The following TAFA2 variants were observed in gnomAD, a reference collection of about 807,000 sequenced individuals.
TAFA2 encodes chemokine-like protein TAFA-2.
Under a neutral mutation model 18.8 loss-of-function variants are expected in TAFA2, and 7 were observed. That is an observed-to-expected ratio of 0.37 (90% CI 0.21 to 0.70). The LOEUF (loss-of-function observed/expected upper bound fraction) is 0.70. TAFA2 is among the 30% of genes least tolerant of loss of function. The pLI is 0.53. For missense variants in TAFA2, 122 were observed against 158.1 expected (o/e 0.77, Z 1.23); for synonymous variants, 60 against 54.2 (o/e 1.11, Z -0.47).
At chr12:61,903,181 C>T (rs973544806) in intron 1 of TAFA2, among the ~76,000 whole-genome samples, 4 of 152,144 alleles carry the variant, frequency 2.6e-5, no homozygotes, top group Non-Finnish European at 5.9e-5. Context: ...TACCAATGTA[C>T]TATGACTTAC....
intron 1 of TAFA2, among the ~76,000 whole-genome samples, chr12:62,072,472 AAAT>A (rs1170751047): frequency 1.4e-5 from 2 of 148,024 alleles, no homozygotes; most frequent in South Asian, 2.2e-4. Flanking sequence ...CCATCTCAAA[AAAT>A]AATAATAATA....
chr12:62,122,634 T>C (rs1565751866), intron 1 of TAFA2, among the ~76,000 whole-genome samples: 1 of 152,222 alleles, frequency 6.6e-6, no homozygotes, highest in Non-Finnish European at 1.5e-5. Flanking sequence ...ATGTATTACA[T>C]AGTCCATATA....
At chr12:61,853,152 A>G (rs1465682516) in intron 2 of TAFA2, among the ~76,000 whole-genome samples, 3 of 152,324 alleles carry the variant, frequency 2.0e-5, no homozygotes, top group African/African-American at 7.2e-5. Context: ...ATTACATTGT[A>G]TACCCTAAAT....
At chr12:61,774,892 A>G (rs1281522198) in intron 2 of TAFA2, among the ~76,000 whole-genome samples, 1 of 151,884 alleles carries the variant, frequency 6.6e-6, no homozygotes, top group African/African-American at 2.4e-5. Flanking sequence ...TGACAACCAC[A>G]GACTGGGTGA....
intron 1 of TAFA2, chr12:62,252,714 G>A (rs915327284): frequency 1.3e-5 from 2 of 152,148 alleles, no homozygotes; most frequent in African/African-American, 4.8e-5. Context: ...TATCCGGCCG[G>A]CAATTGTTTA....
At chr12:62,139,652 T>A (rs1200038444) in intron 1 of TAFA2, among the ~76,000 whole-genome samples, 1 of 152,194 alleles carries the variant, frequency 6.6e-6, no homozygotes, top group Admixed American at 6.5e-5. Flanking sequence ...AGCAGTAGCA[T>A]GCATCTTAGT....
Position 61,708,362 on chromosome 12 carries a change from C to A in TAFA2, c.*2044G>T, listed in dbSNP as rs1869237483. The A allele has an allele frequency of 6.6e-6, 1 of 151,770 alleles. No individual in the cohort carries two copies. Among genetic ancestry groups the A allele is most frequent in the African/African-American group, 2.4e-5 (1 of 41,320 alleles). The allele number at this position is 151,770 out of a possible 1,614,324, so 9.4% of individuals were successfully genotyped here. On this transcript the variant is annotated 3_prime_UTR_variant, in exon 5 of 5. Coordinates refer to ENST00000416284, the MANE Select transcript of TAFA2 (RefSeq NM_178539.5). Reference sequence around the variant, plus strand: ...AATCTAGTTAGTATATTTGAAATTCCATGTTTTTTTTCTATTATATGCATG... The same window carrying A: ...AATCTAGTTAGTATATTTGAAATTCAATGTTTTTTTTCTATTATATGCATG...
chr12:62,111,803 G>T (rs185486332), intron 1 of TAFA2, among the ~76,000 whole-genome samples: 1 of 152,198 alleles, frequency 6.6e-6, no homozygotes, highest in East Asian at 1.9e-4. Flanking sequence ...GAGTAGGATT[G>T]CAACCCCTAC....
rs540176363 is a variant in TAFA2, at chr12:61,708,377, T to C, written c.*2029A>G. Reference sequence around the variant, plus strand: ...TTTGAAATTCCATGTTTTTTTTCTATTATATGCATGTATTACACTTGTATA... The same window carrying C: ...TTTGAAATTCCATGTTTTTTTTCTACTATATGCATGTATTACACTTGTATA... On this transcript the variant is annotated 3_prime_UTR_variant, in exon 5 of 5. Coordinates refer to ENST00000416284, the MANE Select transcript of TAFA2 (RefSeq NM_178539.5). 2 of 152,240 alleles carry C rather than the reference T, an allele frequency of 1.3e-5. No individual in the cohort carries two copies. Among genetic ancestry groups the C allele is most frequent in the African/African-American group, 4.8e-5 (2 of 41,580 alleles). 9.4% of individuals were successfully genotyped at this position (152,240 alleles called of 1,614,324 possible). A position where few individuals can be genotyped will look rare whatever the true frequency, so the allele number is the denominator to read the frequency against.
At chr12:62,141,912 A>C (rs2062243308) in intron 1 of TAFA2, among the ~76,000 whole-genome samples, 2 of 152,170 alleles carry the variant, frequency 1.3e-5, no homozygotes, top group Admixed American at 6.5e-5. Context: ...CACAAACAAA[A>C]TCTTCCTATG....
chr12:62,170,755 T>A (rs1004619514), intron 1 of TAFA2, among the ~76,000 whole-genome samples: 6 of 152,188 alleles, frequency 3.9e-5, no homozygotes, highest in African/African-American at 1.2e-4. Flanking sequence ...TAAATTCTCA[T>A]CCCTCAAATC....
At chr12:61,829,188 A>G (rs1872628234) in intron 2 of TAFA2, among the ~76,000 whole-genome samples, 2 of 151,750 alleles carry the variant, frequency 1.3e-5, no homozygotes, top group South Asian at 4.1e-4. Context: ...GAAGGTAGAT[A>G]TTTTATAGTA....
chr12:61,981,073 G>A (rs1879618971), intron 1 of TAFA2, among the ~76,000 whole-genome samples: 1 of 152,174 alleles, frequency 6.6e-6, no homozygotes. Context: ...CAAGGCTACA[G>A]TAACCAAAAC....
intron 1 of TAFA2, among the ~76,000 whole-genome samples, chr12:62,240,750 A>G (rs1319074182): frequency 6.6e-6 from 1 of 152,194 alleles, no homozygotes. Flanking sequence ...GTAGCAGTCC[A>G]TGGTCTGTTA....
intron 2 of TAFA2, among the ~76,000 whole-genome samples, chr12:61,842,836 TA>T (rs1287768383): frequency 6.6e-6 from 1 of 152,264 alleles, no homozygotes; most frequent in East Asian, 1.9e-4. Flanking sequence ...CATGTAAACT[TA>T]AACCACATTT....
intron 1 of TAFA2, among the ~76,000 whole-genome samples, chr12:62,022,475 T>G (rs1405273801): frequency 6.6e-6 from 1 of 152,200 alleles, no homozygotes; most frequent in African/African-American, 2.4e-5. Context: ...ACTTTTTCTC[T>G]CTTAATAAAA....
chr12:61,818,747 A>C (rs1263362986), intron 2 of TAFA2, among the ~76,000 whole-genome samples: 2 of 152,174 alleles, frequency 1.3e-5, no homozygotes, highest in Non-Finnish European at 2.9e-5. Flanking sequence ...CAAAGACTCT[A>C]TTCAAAATGC....
chr12:61,796,137 A>T (rs997805736), intron 2 of TAFA2, among the ~76,000 whole-genome samples: 1 of 152,084 alleles, frequency 6.6e-6, no homozygotes, highest in African/African-American at 2.4e-5. Flanking sequence ...CCTCCTAGCA[A>T]TTTTCCCAAA....
intron 1 of TAFA2, chr12:61,890,496 C>T (rs1875582292): frequency 1.3e-5 from 2 of 152,246 alleles, no homozygotes; most frequent in African/African-American, 2.4e-5. Context: ...TTACACCTCA[C>T]TGGGAAACCC....
Sources: gnomAD v4.1 joint callset for allele counts (sites outside exome capture counted in the v4.1 genomes callset) on GRCh38, gnomAD v4.1.1 for gene constraint, MANE v1.5 for transcripts, NCBI Gene and HGNC (gene_info 2026-07-23, HGNC 2026-07-21) for gene names.